GMDS: variants seen among roughly 807,000 people sequenced by gnomAD.
The protein encoded by GMDS is GDP-mannose 4,6-dehydratase, also known as GDP-mannose 4,6 dehydratase.
GMDS carries 20 observed loss-of-function variants against 49.9 expected under a neutral mutation model. The observed-to-expected ratio is 0.40, with a 90% CI of 0.28 to 0.58. The LOEUF is 0.58. GMDS is among the 20% of genes least tolerant of loss of function. GMDS has a pLI of 0.42. For synonymous variants in GMDS, 177 were observed against 178.6 expected (o/e 0.99, Z 0.07); for missense variants, 362 against 481.4 (o/e 0.75, Z 2.32).
intron 4 of GMDS, among the ~76,000 whole-genome samples, chr6:2,068,619 A>C (rs1771773484): frequency 6.6e-6 from 1 of 152,124 alleles, no homozygotes. Flanking sequence ...TTATACACCA[A>C]CAACAGACAA....
At chr6:1,839,274 T>G (rs1757054726) in intron 7 of GMDS, among the ~76,000 whole-genome samples, 1 of 152,226 alleles carries the variant, frequency 6.6e-6, no homozygotes, top group East Asian at 1.9e-4. Flanking sequence ...GTGGTACTGC[T>G]TATTTTTGGC....
chr6:2,088,910 T>G (rs1165904563), intron 4 of GMDS, among the ~76,000 whole-genome samples: 2 of 152,208 alleles, frequency 1.3e-5, no homozygotes, highest in African/African-American at 4.8e-5. Flanking sequence ...CCTTTATCCT[T>G]GATAGAGGCA....
At chr6:2,019,610 C>T (rs559806715) in intron 4 of GMDS, among the ~76,000 whole-genome samples, 112 of 152,056 alleles carry the variant, frequency 7.4e-4, no homozygotes, top group African/African-American at 2.6e-3. Flanking sequence ...CCATCATGCC[C>T]GGCTAATTTT....
chr6:2,020,694 G>A (rs1359236659), intron 4 of GMDS, among the ~76,000 whole-genome samples: 1 of 152,194 alleles, frequency 6.6e-6, no homozygotes, highest in African/African-American at 2.4e-5. Flanking sequence ...TCCAGTGGGG[G>A]AAATTAATAT....
intron 7 of GMDS, among the ~76,000 whole-genome samples, chr6:1,889,926 T>C (rs1042080781): frequency 6.6e-6 from 1 of 152,210 alleles, no homozygotes; most frequent in African/African-American, 2.4e-5. Flanking sequence ...TTCATCCACA[T>C]TGCAGTGTCC....
chr6:2,106,862 C>CA (rs201682831), intron 4 of GMDS, among the ~76,000 whole-genome samples: 3,275 of 134,606 alleles, frequency 0.024, 156 homozygotes, highest in African/African-American at 0.092. Flanking sequence ...GACTCTGTCT[C>CA]AAAAAAAGAA....
chr6:2,160,825 T>C (rs1020361754), intron 1 of GMDS, among the ~76,000 whole-genome samples: 9 of 151,848 alleles, frequency 5.9e-5, no homozygotes, highest in African/African-American at 2.2e-4. Context: ...CGACCACACC[T>C]GACCAAAGAC....
At chr6:1,900,932 G>A (rs749217620) in intron 7 of GMDS, among the ~76,000 whole-genome samples, 24 of 152,108 alleles carry the variant, frequency 1.6e-4, no homozygotes, top group Non-Finnish European at 2.4e-4. Context: ...CCAACATGTC[G>A]CGCTAACTCA....
intron 4 of GMDS, among the ~76,000 whole-genome samples, chr6:2,105,146 C>T (rs1336032927): frequency 7.4e-6 from 1 of 135,554 alleles, no homozygotes; most frequent in Non-Finnish European, 1.5e-5. Flanking sequence ...CACGCCACTG[C>T]ACTCCAGCCT....
At chr6:1,921,803 T>C (rs1761728689) in intron 7 of GMDS, among the ~76,000 whole-genome samples, 1 of 152,220 alleles carries the variant, frequency 6.6e-6, no homozygotes, top group Non-Finnish European at 1.5e-5. Flanking sequence ...GGAGAGACTA[T>C]TTATTTAGTT....
At chr6:1,626,368 A>T (rs1762849184) in intron 9 of GMDS, among the ~76,000 whole-genome samples, 2 of 152,268 alleles carry the variant, frequency 1.3e-5, no homozygotes, top group African/African-American at 4.8e-5. Flanking sequence ...CTTCAGGAAA[A>T]GTAGAATACA....
At chr6:2,154,512 G>A (rs1033100940) in intron 1 of GMDS, among the ~76,000 whole-genome samples, 7 of 151,892 alleles carry the variant, frequency 4.6e-5, no homozygotes, top group Non-Finnish European at 8.8e-5. Flanking sequence ...TTGGATTTTG[G>A]CATATAAAAT....
chr6:1,624,620 A>G, intron 9 of GMDS, 80 bp from the exon 10 acceptor site: 1 of 957,672 alleles, frequency 1.0e-6, no homozygotes, highest in African/African-American at 1.6e-5. Flanking sequence ...GGGAACTCCC[A>G]CCGTTCCGCT....
intron 7 of GMDS, among the ~76,000 whole-genome samples, chr6:1,781,713 G>T (rs542220890): frequency 1.3e-4 from 20 of 152,314 alleles, no homozygotes; most frequent in Admixed American, 1.1e-3. Flanking sequence ...AACCCTGCTG[G>T]TCATAACTTC....
chr6:2,113,592 G>A (rs1774675800), intron 4 of GMDS, among the ~76,000 whole-genome samples: 1 of 151,980 alleles, frequency 6.6e-6, no homozygotes, highest in African/African-American at 2.4e-5. Flanking sequence ...CGCTACGTCT[G>A]TAACTCTGTA....
chr6:2,114,948 A>AAAACAAAC (rs36090625), intron 4 of GMDS, among the ~76,000 whole-genome samples: 32 of 150,544 alleles, frequency 2.1e-4, no homozygotes, highest in South Asian at 8.4e-4. Flanking sequence ...ATTAAATAGC[A>AAAACAAAC]AAACAAACAA....
At chr6:1,850,114 TGGGTCTTCTGC>T (rs1561844535) in intron 7 of GMDS, among the ~76,000 whole-genome samples, 1 of 152,224 alleles carries the variant, frequency 6.6e-6, no homozygotes, top group Non-Finnish European at 1.5e-5. Context: ...TGCAATCTCA[TGGGTCTTCTGC>T]TAACTGCCTC....
intron 9 of GMDS, among the ~76,000 whole-genome samples, chr6:1,643,338 C>T (rs535033247): frequency 6.6e-6 from 1 of 152,338 alleles, no homozygotes; most frequent in East Asian, 1.9e-4. Flanking sequence ...ATGCAATTTC[C>T]TTACGCCTTC....
intron 9 of GMDS, among the ~76,000 whole-genome samples, chr6:1,723,007 G>T (rs553649823): frequency 6.6e-6 from 1 of 152,264 alleles, no homozygotes; most frequent in Admixed American, 6.5e-5. Context: ...AGCTTTAATT[G>T]GATGCTGGAG....
Sources: gnomAD v4.1 joint callset for allele counts (sites outside exome capture counted in the v4.1 genomes callset) on GRCh38, gnomAD v4.1.1 for gene constraint, MANE v1.5 for transcripts, NCBI Gene and HGNC (gene_info 2026-07-23, HGNC 2026-07-21) for gene names.